Variants in CTNNA2 observed in about 807,000 individuals in gnomAD.
CTNNA2 encodes catenin alpha 2.
In CTNNA2, 42 loss-of-function variants were observed where a neutral mutation model predicts 101.0. The ratio of observed to expected loss-of-function variants is 0.42; its 90% CI spans 0.32 to 0.54. The LOEUF is 0.54. CTNNA2 is among the 20% of genes least tolerant of loss of function. The pLI, the probability that CTNNA2 is intolerant of heterozygous loss-of-function variation, is 0.14. For missense variants in CTNNA2, 871 were observed against 1,223.1 expected (o/e 0.71, Z 4.29); for synonymous variants, 450 against 456.4 (o/e 0.99, Z 0.18).
intron 2 of CTNNA2, among the ~76,000 whole-genome samples, chr2:79,724,915 AC>A (rs1342916150): frequency 6.6e-6 from 1 of 150,756 alleles, no homozygotes; most frequent in Non-Finnish European, 1.5e-5. Context: ...ACTCTGCGGT[AC>A]TCCCTGGTCT....
chr2:80,345,920 G>T (rs887770786), intron 7 of CTNNA2, among the ~76,000 whole-genome samples: 1 of 152,154 alleles, frequency 6.6e-6, no homozygotes, highest in African/African-American at 2.4e-5. Flanking sequence ...ACTATTGTCT[G>T]TTGGATGATT....
chr2:80,531,998 C>T (rs954608028), intron 9 of CTNNA2, among the ~76,000 whole-genome samples: 2 of 152,128 alleles, frequency 1.3e-5, no homozygotes, highest in Admixed American at 6.6e-5. Context: ...CATTGTCATG[C>T]AAAAGCAGTC....
chr2:79,586,705 C>T (rs937288620), intron 1 of CTNNA2, among the ~76,000 whole-genome samples: 1 of 151,874 alleles, frequency 6.6e-6, no homozygotes, highest in Non-Finnish European at 1.5e-5. Context: ...TTTTGGGAGA[C>T]AGGTGGTTTT....
At chr2:79,697,802 A>T (rs1684737862) in intron 2 of CTNNA2, 1 of 151,920 alleles carries the variant, frequency 6.6e-6, no homozygotes, top group African/African-American at 2.4e-5. Context: ...TCACTTTCAC[A>T]TATTTTTTTC....
chr2:79,829,001 G>T (rs1678660962), intron 3 of CTNNA2, among the ~76,000 whole-genome samples: 3 of 152,120 alleles, frequency 2.0e-5, no homozygotes, highest in Admixed American at 2.0e-4. Context: ...TTTCCTTGGT[G>T]GACTTATTGA....
intron 2 of CTNNA2, among the ~76,000 whole-genome samples, chr2:79,720,455 A>C (rs555318977): frequency 6.6e-6 from 1 of 152,172 alleles, no homozygotes; most frequent in Non-Finnish European, 1.5e-5. Flanking sequence ...TGCTAGAAAT[A>C]TCATTGAACC....
At chr2:79,477,991 T>C (rs767753688) in intron 4 of CTNNA2, among the ~76,000 whole-genome samples, 2 of 152,198 alleles carry the variant, frequency 1.3e-5, no homozygotes, top group Non-Finnish European at 2.9e-5. Context: ...ACACAAATCA[T>C]AAAGTCAAGT....
intron 16 of CTNNA2, among the ~76,000 whole-genome samples, chr2:80,607,186 T>C (rs954040297): frequency 6.6e-6 from 1 of 151,892 alleles, no homozygotes; most frequent in African/African-American, 2.4e-5. Context: ...TCATTCTAAA[T>C]AAGATACTTC....
At chr2:79,806,767 G>A (rs910758321) in intron 3 of CTNNA2, among the ~76,000 whole-genome samples, 1 of 151,936 alleles carries the variant, frequency 6.6e-6, no homozygotes, top group Non-Finnish European at 1.5e-5. Flanking sequence ...CCTCCTGCTT[G>A]AAAGTTATAG....
In CTNNA2 at chr2:80,303,306, C is replaced by A; in HGVS notation, c.1057-89905C>A. 6.2e-7 allele frequency: 1 copy of A among 1,613,612 alleles called. No homozygotes were observed. Among genetic ancestry groups the A allele is most frequent in the Non-Finnish European group, 8.5e-7 (1 of 1,180,034 alleles). ...ATGCGCACGGGCACAAACTGGATGG[C>A]GTTGGCCCGCATATGCAGCGTGGTG... On this transcript the variant is annotated intron_variant, in intron 7 of 18. Coordinates refer to ENST00000402739, the MANE Select transcript of CTNNA2 (RefSeq NM_001282597.3). The surrounding 1 kb of genome is among the most constrained non-coding windows in gnomAD (Gnocchi z 7.7).
intron 4 of CTNNA2, among the ~76,000 whole-genome samples, chr2:79,437,699 G>A (rs1558666506): frequency 6.6e-6 from 1 of 152,166 alleles, no homozygotes; most frequent in Non-Finnish European, 1.5e-5. Context: ...TTCCTTCTCT[G>A]AATATGACTG....
chr2:79,682,715 C>CA (rs1317377345), intron 2 of CTNNA2, among the ~76,000 whole-genome samples: 1 of 152,090 alleles, frequency 6.6e-6, no homozygotes, highest in African/African-American at 2.4e-5. Flanking sequence ...TGGAGCTTAT[C>CA]ACGTTTGTGC....
At chr2:80,564,325 A>C (rs545899312) in intron 12 of CTNNA2, among the ~76,000 whole-genome samples, 53 of 152,316 alleles carry the variant, frequency 3.5e-4, no homozygotes, top group African/African-American at 1.2e-3. Flanking sequence ...TTTCAGAATT[A>C]AATGTGCCAT....
chr2:79,423,521 T>A (rs1030056592), intron 4 of CTNNA2, among the ~76,000 whole-genome samples: 1 of 152,218 alleles, frequency 6.6e-6, no homozygotes, highest in Admixed American at 6.5e-5. Flanking sequence ...ATTGTACTTA[T>A]GAAATAGCAT....
chr2:80,491,842 A>ACTGCAGGATCTGGTTTTGTTG (rs1374432576), intron 9 of CTNNA2, among the ~76,000 whole-genome samples: 1 of 152,038 alleles, frequency 6.6e-6, no homozygotes, highest in African/African-American at 2.4e-5. Context: ...TTTTCCTGAC[A>ACTGCAGGATCTGGTTTTGTTG]CTGCAGGATC....
At chr2:80,560,383 A>G (rs183379536) in intron 12 of CTNNA2, among the ~76,000 whole-genome samples, 9 of 152,054 alleles carry the variant, frequency 5.9e-5, no homozygotes, top group African/African-American at 2.2e-4. Context: ...AAGAACTGTT[A>G]TTTGACTGCT....
chr2:80,512,595 A>G (rs1021847269), intron 9 of CTNNA2, among the ~76,000 whole-genome samples: 4 of 152,166 alleles, frequency 2.6e-5, no homozygotes, highest in African/African-American at 4.8e-5. Context: ...TTAATTCTGG[A>G]TAGCATTTTA....
intron 1 of CTNNA2, among the ~76,000 whole-genome samples, chr2:79,617,619 A>G (rs1341526202): frequency 1.3e-5 from 2 of 152,142 alleles, no homozygotes; most frequent in Non-Finnish European, 2.9e-5. Flanking sequence ...GTTTTGCTTT[A>G]TGAATTTTTT....
chr2:79,858,107 C>T lies in CTNNA2; in HGVS notation c.393C>T (p.Leu131=). 6.2e-7 allele frequency: 1 copy of T among 1,614,134 alleles called. No individual in the cohort carries two copies. Among genetic ancestry groups the T allele is most frequent in the Non-Finnish European group, 8.5e-7 (1 of 1,180,004 alleles). ...TGGTACGGGCGGCAAGGGCTTTGCTCTCCGCGGTGACACGCTTACTCATCC... is the reference window on the plus strand; with the variant it reads ...TGGTACGGGCGGCAAGGGCTTTGCTTTCCGCGGTGACACGCTTACTCATCC... The part of the protein sequence containing the change: ...GTMVRAARAL[L]SAVTRLLILA... The change falls in exon 4 of 19, where the codon CTC becomes CTT. Residue 131 remains leucine (L), a synonymous_variant. Transcript: ENST00000402739.
Sources: allele counts gnomAD v4.1 joint callset (sites outside exome capture counted in the v4.1 genomes callset), GRCh38; gene constraint gnomAD v4.1.1; non-coding constraint Gnocchi (gnomAD v3.1); transcripts MANE v1.5; gene names NCBI Gene and HGNC (gene_info 2026-07-23, HGNC 2026-07-21).